HYDIN: variants seen among roughly 807,000 people sequenced by gnomAD.
HYDIN encodes the protein axonemal central pair apparatus protein HYDIN.
A neutral mutation model predicts 403.9 loss-of-function variants in HYDIN; 132 were observed. That is an observed-to-expected ratio of 0.33 (90% confidence interval 0.28 to 0.38). HYDIN has a LOEUF of 0.38. HYDIN is among the 10% of genes least tolerant of loss of function. The pLI, the probability that HYDIN is intolerant of heterozygous loss-of-function variation, is 1.00. For synonymous variants in HYDIN, 1,202 were observed against 1,891.7 expected (o/e 0.64, Z 9.46); for missense variants, 2,827 against 5,009.5 (o/e 0.56, Z 13.15).
chr16:71,051,130 T>C (rs1007389150), intron 18 of HYDIN, among the ~76,000 whole-genome samples: 3 of 151,674 alleles, frequency 2.0e-5, no homozygotes, highest in Admixed American at 1.3e-4. Flanking sequence ...TTATAATTGG[T>C]TGGATTCATC....
intron 1 of HYDIN, among the ~76,000 whole-genome samples, chr16:71,217,849 G>C (rs944511816): frequency 3.2e-4 from 49 of 152,174 alleles, no homozygotes; most frequent in African/African-American, 1.1e-3. Flanking sequence ...ACGCTGCTGA[G>C]GTCTGGTCCA....
rs536710192 is a variant in HYDIN at position 70,997,142 on chromosome 16, T to C, written c.3645-4932A>G. On this transcript the variant is annotated intron_variant, in intron 23 of 85. Transcript: ENST00000393567. The stretch of plus-strand genomic sequence containing the variant: ...TAGGGTTTGTGCTCCTGTGAGAATC[T>C]AATGCCGCTGGATACCTGACAGGAG... Among the ~76,000 whole-genome samples the C allele has an allele frequency of 5.5e-3, 829 of 150,262 alleles. 4 individuals are homozygous for C. Among genetic ancestry groups the C allele is most frequent in the African/African-American group, 0.019 (786 of 40,732 alleles).
intron 72 of HYDIN, 120 bp downstream of exon 72, chr16:70,857,585 C>G: frequency 1.6e-6 from 2 of 1,253,940 alleles, no homozygotes; most frequent in South Asian, 3.2e-5. Context: ...GATTGAGACC[C>G]TCTGATATGC....
intron 1 of HYDIN, among the ~76,000 whole-genome samples, chr16:71,196,131 A>C (rs1842960385): frequency 6.6e-6 from 1 of 152,234 alleles, no homozygotes; most frequent in African/African-American, 2.4e-5. Context: ...TGTCACAAGG[A>C]AATTCAATTA....
At chr16:71,200,504 G>A (rs1184401613) in intron 1 of HYDIN, among the ~76,000 whole-genome samples, 1 of 152,158 alleles carries the variant, frequency 6.6e-6, no homozygotes, top group Non-Finnish European at 1.5e-5. Context: ...TACAGCTGAA[G>A]TCTTGCCATC....
At position 70,943,861 on chromosome 16, in the gene HYDIN, C is replaced by A. The variant is rs776305220; in HGVS notation, c.6620G>T (p.Cys2207Phe). 1 of 1,613,618 alleles carries A rather than the reference C, an allele frequency of 6.2e-7. No homozygotes were observed. The highest frequency in any genetic ancestry group is 8.5e-7 in the Non-Finnish European group (1 of 1,180,036). Residue 2207 changes from cysteine to phenylalanine, a missense_variant, in exon 42 of 86, where the codon TGT (cysteine) becomes TTT (phenylalanine). By Grantham distance (205) the Cys-to-Phe change is radical. Coordinates refer to ENST00000393567, the MANE Select transcript of HYDIN (RefSeq NM_001270974.2). ...SVGGETGLMS[C>F]VLPDELLVQI... ...CACGAGAAGTTCATCCGGGAGCACACAGCTCATCAGCCCGGTCTCGCCTCC... is the reference window on the plus strand; with the variant it reads ...CACGAGAAGTTCATCCGGGAGCACAAAGCTCATCAGCCCGGTCTCGCCTCC...
chr16:70,944,079 C>T (rs908589636), intron 41 of HYDIN, 130 bp from the exon 42 acceptor site: 4 of 681,648 alleles, frequency 5.9e-6, no homozygotes, highest in African/African-American at 3.6e-5. Flanking sequence ...ATGGGAACTG[C>T]ATTATAAAAT....
chr16:70,999,028 A>T (rs2079618119), intron 23 of HYDIN, among the ~76,000 whole-genome samples: 1 of 152,216 alleles, frequency 6.6e-6, no homozygotes, highest in South Asian at 2.1e-4. Flanking sequence ...CCAACTGGTC[A>T]CGTGTGCTAA....
intron 18 of HYDIN, among the ~76,000 whole-genome samples, chr16:71,042,515 A>G (rs1238823755): frequency 6.6e-6 from 1 of 151,762 alleles, no homozygotes; most frequent in Non-Finnish European, 1.5e-5. Flanking sequence ...TATAGTTAAC[A>G]TTTACTTTTT....
rs545160029 is a variant in HYDIN at position 70,982,622 on chromosome 16, C to T, written c.4333-1054G>A. ...AGATGGTAGCATACAGAGTGTTTTTCGTCTTCCTTTTCTTTTCATTTTACC... is the reference window on the plus strand; with the variant it reads ...AGATGGTAGCATACAGAGTGTTTTTTGTCTTCCTTTTCTTTTCATTTTACC... On this transcript the variant is annotated intron_variant, in intron 28 of 85. Coordinates refer to ENST00000393567, the MANE Select transcript of HYDIN (RefSeq NM_001270974.2). Among the ~76,000 whole-genome samples, 4 of 140,882 alleles carry T rather than the reference C, an allele frequency of 2.8e-5. 1 individual carries two copies. In the South Asian group the frequency reaches 9.3e-4, roughly 33 times the overall value. 92.4% of individuals were successfully genotyped at this position (140,882 alleles called of 152,430 possible). A position where few individuals can be genotyped will look rare whatever the true frequency, so the allele number is the denominator to read the frequency against.
chr16:71,037,023 T>C (rs1452369989), intron 18 of HYDIN, among the ~76,000 whole-genome samples: 2 of 82,008 alleles, frequency 2.4e-5, no homozygotes, highest in Admixed American at 1.4e-4. Flanking sequence ...AGAAATAGGG[T>C]GGGAGGGAGG....
chr16:71,055,726 C>T (rs1282553898), intron 18 of HYDIN, among the ~76,000 whole-genome samples: 2 of 151,966 alleles, frequency 1.3e-5, no homozygotes, highest in African/African-American at 2.4e-5. Context: ...TGGCCTTTCT[C>T]TGCAGATCAC....
chr16:70,914,388 A>G (rs2076779728), intron 47 of HYDIN, among the ~76,000 whole-genome samples: 1 of 151,780 alleles, frequency 6.6e-6, no homozygotes, highest in Non-Finnish European at 1.5e-5. Context: ...TCTTTCCTTC[A>G]TATACGATGC....
At chr16:70,954,297 G>A (rs1361831804) in intron 40 of HYDIN, among the ~76,000 whole-genome samples, 4 of 106,922 alleles carry the variant, frequency 3.7e-5, no homozygotes, top group Non-Finnish European at 5.5e-5. Flanking sequence ...ACAACATAGC[G>A]AGACCCTAAA....
At chr16:71,172,899 A>G (rs941061520) in intron 5 of HYDIN, among the ~76,000 whole-genome samples, 7 of 152,148 alleles carry the variant, frequency 4.6e-5, no homozygotes, top group Non-Finnish European at 1.0e-4. Flanking sequence ...AATGACTTTT[A>G]TTTTTCCTAA....
chr16:70,830,464 T>C (rs928550059), intron 80 of HYDIN, among the ~76,000 whole-genome samples: 1 of 144,436 alleles, frequency 6.9e-6, no homozygotes, highest in Non-Finnish European at 1.5e-5. Context: ...TTTTTTTTTT[T>C]AGTTGAAAAA....
At chr16:70,904,478 C>CTTTTTTTTTTTT (rs76148650) in intron 50 of HYDIN, among the ~76,000 whole-genome samples, 2 of 25,218 alleles carry the variant, frequency 7.9e-5, no homozygotes, top group East Asian at 1.2e-3. Flanking sequence ...ACTTGAGTAA[C>CTTTTTTTTTTTT]TTTTTTTTTT....
chr16:71,013,337 T>C (rs1197969798), intron 23 of HYDIN, among the ~76,000 whole-genome samples: 1 of 150,574 alleles, frequency 6.6e-6, no homozygotes, highest in Non-Finnish European at 1.5e-5. Context: ...GGAACAGCAC[T>C]GGGCAGGACA....
chr16:71,057,336 C>A (rs1192340188), intron 18 of HYDIN, among the ~76,000 whole-genome samples: 7 of 151,402 alleles, frequency 4.6e-5, no homozygotes, highest in Admixed American at 2.0e-4. Context: ...AGACCAGTGA[C>A]CATATGTGAA....
Sources: allele counts gnomAD v4.1 joint callset (sites outside exome capture counted in the v4.1 genomes callset), GRCh38; gene constraint gnomAD v4.1.1; transcripts MANE v1.5; gene names NCBI Gene and HGNC (gene_info 2026-07-23, HGNC 2026-07-21).